MAPK8IP3: variants seen among roughly 807,000 people sequenced by gnomAD.
The protein encoded by MAPK8IP3 is mitogen-activated protein kinase 8 interacting protein 3.
A neutral mutation model predicts 157.8 loss-of-function variants in MAPK8IP3; 49 were observed. The ratio of observed to expected loss-of-function variants is 0.31; its 90% CI spans 0.25 to 0.39. The LOEUF is 0.39. MAPK8IP3 is among the 10% of genes least tolerant of loss of function. The pLI is 1.00. For missense variants in MAPK8IP3, 1,478 were observed against 1,889.4 expected (o/e 0.78, Z 4.04); for synonymous variants, 897 against 777.7 (o/e 1.15, Z -2.55).
rs1431112704 is a variant in MAPK8IP3 at position 1,743,797 on chromosome 16, T to C, written c.747+321T>C. The stretch of plus-strand genomic sequence containing the variant: ...GTCAGGGTTGAGCTTAGTGATCCTC[T>C]CTCAAACCACACCCCCACATAAAGC... On this transcript the variant is annotated intron_variant, in intron 5 of 31. Coordinates refer to ENST00000610761, the MANE Select transcript of MAPK8IP3 (RefSeq NM_001318852.2). This position sits in a 1 kb window ranked among gnomAD's most constrained non-coding sequence, Gnocchi z 5.6. 8.1e-7 allele frequency: 1 copy of C among 1,240,644 alleles called. No individual in the cohort carries two copies. The highest frequency in any genetic ancestry group is 1.0e-6 in the Non-Finnish European group (1 of 989,348). 76.9% of individuals were successfully genotyped at this position (1,240,644 alleles called of 1,614,324 possible).
chr16:1,766,399 C>T lies in MAPK8IP3; in HGVS notation c.2809C>T (p.Gln937Ter). Residue 937 changes from glutamine (Q) to a stop codon, truncating the protein, a stop_gained, in exon 22 of 32, where the codon CAG (glutamine) becomes TAG (stop). Transcript: ENST00000610761. LOFTEE classifies it high-confidence loss of function. ...DPAPTPSSGP[Q>*]PGSENGPEPD... Reference sequence around the variant, plus strand: ...AGCCCCGACCCCGTCCTCTGGCCCCCAGCCTGGCAGGTGAGCTCTTGGGCT... The same window carrying T: ...AGCCCCGACCCCGTCCTCTGGCCCCTAGCCTGGCAGGTGAGCTCTTGGGCT... 6.2e-7 allele frequency: 1 copy of T among 1,610,292 alleles called. No individual in the cohort carries two copies. The highest frequency in any genetic ancestry group is 8.5e-7 in the Non-Finnish European group (1 of 1,178,350).
intron 11 of MAPK8IP3, 109 bp from the exon 12 acceptor site, chr16:1,760,270 TA>T: frequency 7.0e-7 from 1 of 1,419,268 alleles, no homozygotes; most frequent in Non-Finnish European, 9.6e-7. Context: ...GCCACCTTCC[TA>T]ACCAGGCTGT....
intron 4 of MAPK8IP3, among the ~76,000 whole-genome samples, chr16:1,730,478 G>A (rs111996225): frequency 8.9e-4 from 135 of 151,814 alleles, no homozygotes; most frequent in African/African-American, 3.0e-3. Flanking sequence ...AGTGGCTCAC[G>A]CCTGTCATTC....
intron 10 of MAPK8IP3, among the ~76,000 whole-genome samples, chr16:1,759,364 C>T (rs1041023346): frequency 1.1e-4 from 17 of 152,230 alleles, no homozygotes; most frequent in African/African-American, 4.1e-4. Context: ...TTCATGACTG[C>T]ATACACAGTG....
intron 1 of MAPK8IP3, among the ~76,000 whole-genome samples, chr16:1,707,063 A>G (rs1348702984): frequency 6.8e-6 from 1 of 146,630 alleles, no homozygotes; most frequent in Non-Finnish European, 1.5e-5. Flanking sequence ...CTCCCCACCC[A>G]CCTCTGCATG....
At chr16:1,763,131 C>A in intron 16 of MAPK8IP3, 125 bp downstream of exon 16, 1 of 1,296,344 alleles carries the variant, frequency 7.7e-7, no homozygotes, top group Non-Finnish European at 1.1e-6. Context: ...TGGCCACATG[C>A]CAGGGGCCGT....
In MAPK8IP3 at chr16:1,762,598, C is replaced by T; in HGVS notation, c.1671-77C>T. On this transcript the variant is annotated intron_variant, in intron 14 of 31. Coordinates refer to ENST00000610761, the MANE Select transcript of MAPK8IP3 (RefSeq NM_001318852.2). The stretch of plus-strand genomic sequence containing the variant: ...GGGACTGAAGTGCGCTGGGTGCTTC[C>T]TGGCGGGAGCCAGAGAGTCGCAGGT... 7 of 1,548,656 alleles carry T rather than the reference C, an allele frequency of 4.5e-6. No homozygotes were observed. In the Admixed American group the frequency reaches 7.6e-5, roughly 17 times the overall value.
At chr16:1,765,252 A>G in intron 20 of MAPK8IP3, 74 bp downstream of exon 20, 1 of 1,482,140 alleles carries the variant, frequency 6.7e-7, no homozygotes, top group Non-Finnish European at 9.1e-7. Context: ...AAGCCCTGCC[A>G]CACAGCAGCT....
intron 2 of MAPK8IP3, 141 bp from the exon 3 acceptor site, chr16:1,728,997 C>A: frequency 1.3e-6 from 1 of 764,178 alleles, no homozygotes. Flanking sequence ...CGGCCTTGCA[C>A]TTGCCGGGCT....
At chr16:1,764,663 G>A (rs941119300) in intron 19 of MAPK8IP3, among the ~76,000 whole-genome samples, 5 of 152,324 alleles carry the variant, frequency 3.3e-5, no homozygotes, top group African/African-American at 1.2e-4. Flanking sequence ...TCACCCCCCA[G>A]GTGGCCTGGA....
At position 1,735,222 on chromosome 16, in the gene MAPK8IP3, G is replaced by A. The variant is rs548378966; in HGVS notation, c.602+5644G>A. Among the ~76,000 whole-genome samples the A allele has an allele frequency of 1.1e-4, 17 of 152,048 alleles. No homozygotes were observed. In the East Asian group the frequency reaches 1.9e-3, roughly 17 times the overall value. ...TCACATCACCACATCCTGGCCGTCCGTGTGAGCGTCCATGTGACCATCGGT... is the reference window on the plus strand; with the variant it reads ...TCACATCACCACATCCTGGCCGTCCATGTGAGCGTCCATGTGACCATCGGT... On this transcript the variant is annotated intron_variant, in intron 4 of 31. Coordinates refer to ENST00000610761, the MANE Select transcript of MAPK8IP3 (RefSeq NM_001318852.2).
rs1269545190 is a variant in MAPK8IP3 at position 1,760,537 on chromosome 16, G to A, written c.1457+5G>A. 1.2e-6 allele frequency: 2 copies of A among 1,608,930 alleles called. No homozygotes were observed. Among genetic ancestry groups the A allele is most frequent in the South Asian group, 1.1e-5 (1 of 90,846 alleles). On this transcript the variant is annotated splice_donor_5th_base_variant and intron_variant, in intron 12 of 31. Transcript: ENST00000610761. ...GCTGGAAGAGGAACTGAAAAGGTGA[G>A]GGCAGGGCATGGAAAGCTGGTCAGA...
In MAPK8IP3 at chr16:1,718,904, A is replaced by ACTTT. The variant is rs2038334313; in HGVS notation, c.319-5653_319-5652insCTTT. On this transcript the variant is annotated intron_variant, in intron 1 of 31. Coordinates refer to ENST00000610761, the MANE Select transcript of MAPK8IP3 (RefSeq NM_001318852.2). ...TCTAGCCCTAGCATCTTCTCACTGA[A>ACTTT]AACGACTCAACATTAGGGGCTGGGC... 5.9e-5 allele frequency among the ~76,000 whole-genome samples: 9 copies of ACTTT among 152,274 alleles called. 1 individual carries two copies. In the South Asian group the frequency reaches 1.9e-3, roughly 32 times the overall value.
At position 1,768,840 on chromosome 16, in the gene MAPK8IP3, T is replaced by G; in HGVS notation, c.*16T>G. The G allele has an allele frequency of 6.2e-7, 1 of 1,610,910 alleles. No homozygotes were observed. Among genetic ancestry groups the G allele is most frequent in the Non-Finnish European group, 8.5e-7 (1 of 1,179,528 alleles). ...CCCCGAGTGAAGCTGCTGCCCTGCCTGGCCCGACCTGTACATAGGACCCCC... is the reference window on the plus strand; with the variant it reads ...CCCCGAGTGAAGCTGCTGCCCTGCCGGGCCCGACCTGTACATAGGACCCCC... On this transcript the variant is annotated 3_prime_UTR_variant, in exon 32 of 32. Coordinates refer to ENST00000610761, the MANE Select transcript of MAPK8IP3 (RefSeq NM_001318852.2).
intron 4 of MAPK8IP3, among the ~76,000 whole-genome samples, chr16:1,740,939 G>A (rs900586439): frequency 1.4e-4 from 21 of 152,200 alleles, no homozygotes; most frequent in South Asian, 8.3e-4. Context: ...GGGCAGCGCC[G>A]TCCAGGTCGC....
At position 1,770,326 on chromosome 16, in the gene MAPK8IP3, T is replaced by C. The variant is rs1322324803; in HGVS notation, c.*1502T>C. 3 of 312,456 alleles carry C rather than the reference T, an allele frequency of 9.6e-6. No individual in the cohort carries two copies. Among genetic ancestry groups the C allele is most frequent in the Non-Finnish European group, 1.8e-5 (3 of 170,002 alleles). The allele number at this position is 312,456 out of a possible 1,614,324, so 19.4% of individuals were successfully genotyped here. A position where few individuals can be genotyped will look rare whatever the true frequency, so the allele number is the denominator to read the frequency against. On this transcript the variant is annotated 3_prime_UTR_variant, in exon 32 of 32. Transcript: ENST00000610761. The stretch of plus-strand genomic sequence containing the variant: ...AATGTCTTAACGTCGTAGCTGCCTG[T>C]TCCTGGGCCCAAATCGAAACGAAAA...
In MAPK8IP3 at chr16:1,763,744, G is replaced by A. The variant is rs1438189604; in HGVS notation, c.1986G>A (p.Leu662=). Residue 662 remains leucine, a synonymous_variant, in exon 17 of 32, where the codon CTG becomes CTA. Transcript: ENST00000610761. ...ACGTGCGTAACGACGACGGCCGTCT[G>A]CAGGCCTGCGGCTGGAGCCTGCCCG... The part of the protein sequence containing the change: ...REHVRNDDGR[L]QACGWSLPAK... The A allele has an allele frequency of 1.3e-6, 2 of 1,589,690 alleles. No individual in the cohort carries two copies. The highest frequency in any genetic ancestry group is 4.6e-5 in the East Asian group (2 of 43,378).
rs1172641434 is a variant in MAPK8IP3 at position 1,743,092 on chromosome 16, C to T, written c.603-240C>T. Reference sequence around the variant, plus strand: ...CCTGGGTGACAGAGCGAGACTCCGCCTCAAAAAAAATAAAATAAAATAAAA... The same window carrying T: ...CCTGGGTGACAGAGCGAGACTCCGCTTCAAAAAAAATAAAATAAAATAAAA... On this transcript the variant is annotated intron_variant, in intron 4 of 31. Transcript: ENST00000610761. This position sits in a 1 kb window ranked among gnomAD's most constrained non-coding sequence, Gnocchi z 5.6. 6.6e-6 allele frequency among the ~76,000 whole-genome samples: 1 copy of T among 151,486 alleles called. No individual in the cohort carries two copies. Among genetic ancestry groups the T allele is most frequent in the African/African-American group, 2.4e-5 (1 of 41,176 alleles).
intron 5 of MAPK8IP3, chr16:1,746,750 TG>T: frequency 2.1e-6 from 1 of 477,378 alleles, no homozygotes; most frequent in Non-Finnish European, 3.8e-6. Context: ...AGCAATCGTC[TG>T]GGGAGGGCAC....
Sources: gnomAD v4.1 joint callset for allele counts (sites outside exome capture counted in the v4.1 genomes callset) on GRCh38, gnomAD v4.1.1 for gene constraint, Gnocchi (gnomAD v3.1) non-coding constraint, MANE v1.5 for transcripts, NCBI Gene and HGNC (gene_info 2026-07-23, HGNC 2026-07-21) for gene names.